SPATA6: variants seen among roughly 807,000 people sequenced by gnomAD.
SPATA6 encodes the protein spermatogenesis-associated protein 6.
Under a neutral mutation model 65.3 loss-of-function variants are expected in SPATA6, and 56 were observed. The ratio of observed to expected loss-of-function variants is 0.86; its 90% CI spans 0.69 to 1.07. The LOEUF is 1.07. Ranked by LOEUF, SPATA6 falls within the 50% of genes least tolerant of loss-of-function variation. The pLI, the probability that SPATA6 is intolerant of heterozygous loss-of-function variation, is 0.00. For missense variants in SPATA6, 590 were observed against 594.8 expected, an observed-to-expected ratio of 0.99 and a Z score of 0.08; for synonymous variants, 199 against 213.2, an observed-to-expected ratio of 0.93 and a Z score of 0.58.
intron 5 of SPATA6, among the ~76,000 whole-genome samples, chr1:48,410,058 A>G (rs973694248): frequency 2.0e-5 from 3 of 152,064 alleles, no homozygotes; most frequent in Admixed American, 2.0e-4. Flanking sequence ...TTTCTATCCC[A>G]TTGTCAGGCT....
chr1:48,272,562 C>A, the SPATA6 span, among the ~76,000 whole-genome samples: 1 of 152,024 alleles, frequency 6.6e-6, no homozygotes, highest in Non-Finnish European at 1.5e-5. Flanking sequence ...TATATATATA[C>A]TACATTTTAT....
chr1:48,399,311 C>G (rs1387162958), intron 7 of SPATA6, 40 bp downstream of exon 7: 4 of 1,561,982 alleles, frequency 2.6e-6, no homozygotes, highest in Non-Finnish European at 2.6e-6. Context: ...GGGAAAAAAG[C>G]TGATCAGTTT....
In SPATA6 at chr1:48,399,748, C is replaced by G. The variant is rs75850984; in HGVS notation, c.487-104G>C. 23 of 1,020,780 alleles carry G rather than the reference C, an allele frequency of 2.3e-5. No individual in the cohort carries two copies. In the Admixed American group the frequency reaches 3.7e-4, roughly 17 times the overall value. The allele number at this position is 1,020,780 out of a possible 1,614,324, so 63.2% of individuals were successfully genotyped here. The stretch of plus-strand genomic sequence containing the variant: ...AATTTAAATAAGACGCAAAATCTAT[C>G]AAAGCCAACTAGATCAGTCCTTCCT... On this transcript the variant is annotated intron_variant, in intron 6 of 12. Coordinates refer to ENST00000371847, the MANE Select transcript of SPATA6 (RefSeq NM_019073.4).
At chr1:48,267,436 C>G in the SPATA6 span, among the ~76,000 whole-genome samples, 5 of 151,952 alleles carry the variant, frequency 3.3e-5, no homozygotes, top group Non-Finnish European at 5.9e-5. Context: ...TCGAATCACA[C>G]GTGGGCTTGG....
chr1:48,342,742 T>TCTAGGGTG (rs1646255996), intron 11 of SPATA6, among the ~76,000 whole-genome samples: 1 of 152,082 alleles, frequency 6.6e-6, no homozygotes, highest in African/African-American at 2.4e-5. Flanking sequence ...CAGAGACAAT[T>TCTAGGGTG]CTAGGGTGCT....
chr1:48,418,536 C>T (rs1652993412), intron 3 of SPATA6, among the ~76,000 whole-genome samples: 1 of 78,532 alleles, frequency 1.3e-5, no homozygotes, highest in African/African-American at 5.2e-5. Context: ...GGCAAGAACC[C>T]ATCCCTACAA....
intron 11 of SPATA6, among the ~76,000 whole-genome samples, chr1:48,310,197 A>G (rs1427406659): frequency 6.6e-6 from 1 of 152,218 alleles, no homozygotes; most frequent in African/African-American, 2.4e-5. Context: ...ATTTCTTTTA[A>G]AAATGCCCTC....
At chr1:48,290,213 G>T in the SPATA6 span, among the ~76,000 whole-genome samples, 3 of 152,142 alleles carry the variant, frequency 2.0e-5, no homozygotes, top group Non-Finnish European at 2.9e-5. Flanking sequence ...TTAAAGAAAA[G>T]AATTTTCAAC....
chr1:48,348,327 C>A (rs1338701089), intron 11 of SPATA6, among the ~76,000 whole-genome samples: 1 of 152,000 alleles, frequency 6.6e-6, no homozygotes, highest in Non-Finnish European at 1.5e-5. Flanking sequence ...TCCATTCTCA[C>A]TATTAGTTAT....
At chr1:48,437,087 A>T in intron 3 of SPATA6, 1 of 1,598,656 alleles carries the variant, frequency 6.3e-7, no homozygotes, top group Non-Finnish European at 8.6e-7. Context: ...CAGATGAAAG[A>T]AGAAAGCCAG....
At chr1:48,461,739 G>A (rs963939215) in intron 1 of SPATA6, among the ~76,000 whole-genome samples, 9 of 152,160 alleles carry the variant, frequency 5.9e-5, no homozygotes, top group African/African-American at 1.9e-4. Flanking sequence ...CTTTTACACT[G>A]TTGGTGGGAC....
intron 2 of SPATA6, among the ~76,000 whole-genome samples, chr1:48,452,661 G>T (rs965382368): frequency 4.6e-5 from 7 of 152,174 alleles, no homozygotes; most frequent in African/African-American, 1.4e-4. Flanking sequence ...TGGGATTGCA[G>T]GCATGAGCCA....
At chr1:48,290,630 C>G (rs1644760817), downstream of SPATA6, among the ~76,000 whole-genome samples, 1 of 151,470 alleles carries the variant, frequency 6.6e-6, no homozygotes, top group Non-Finnish European at 1.5e-5. Context: ...CACATAGGCT[C>G]AAAATAAAGG....
At chr1:48,290,379 C>T (rs916794294), downstream of SPATA6, among the ~76,000 whole-genome samples, 1 of 152,178 alleles carries the variant, frequency 6.6e-6, no homozygotes, top group African/African-American at 2.4e-5. Flanking sequence ...CAACTGGTAC[C>T]AGCCACTGCA....
At chr1:48,401,676 G>C (rs72895111) in intron 6 of SPATA6, among the ~76,000 whole-genome samples, 3,764 of 152,158 alleles carry the variant, frequency 0.025, 102 homozygotes, top group African/African-American at 0.067. Flanking sequence ...CTCATCACTA[G>C]AAATTTAAGA....
intron 11 of SPATA6, among the ~76,000 whole-genome samples, chr1:48,353,742 AC>A (rs1412073643): frequency 6.6e-6 from 1 of 151,956 alleles, no homozygotes; most frequent in Non-Finnish European, 1.5e-5. Flanking sequence ...TTGAAATGTG[AC>A]CCCTAGCTAC....
chr1:48,363,340 G>C (rs1162847565), intron 9 of SPATA6, among the ~76,000 whole-genome samples: 1 of 152,036 alleles, frequency 6.6e-6, no homozygotes, highest in Non-Finnish European at 1.5e-5. Flanking sequence ...TCACAGAAGG[G>C]TTATATTTCT....
chr1:48,323,010 T>C (rs1364465277), intron 11 of SPATA6, among the ~76,000 whole-genome samples: 1 of 152,190 alleles, frequency 6.6e-6, no homozygotes, highest in African/African-American at 2.4e-5. Flanking sequence ...GAAGACAGTG[T>C]GCCAATTCCT....
At chr1:48,450,882 C>T (rs1346989378) in intron 3 of SPATA6, among the ~76,000 whole-genome samples, 1 of 152,104 alleles carries the variant, frequency 6.6e-6, no homozygotes, top group African/African-American at 2.4e-5. Context: ...CCTTTTGAGC[C>T]ACATTTATAC....
Sources: gnomAD v4.1 joint callset for allele counts (sites outside exome capture counted in the v4.1 genomes callset) on GRCh38, gnomAD v4.1.1 for gene constraint, MANE v1.5 for transcripts, NCBI Gene and HGNC (gene_info 2026-07-23, HGNC 2026-07-21) for gene names.